The following KANK4 variants were observed in gnomAD, a reference collection of about 807,000 sequenced individuals.
KANK4 encodes KN motif and ankyrin repeat domains 4, also known as KN motif and ankyrin repeat domain-containing protein 4.
A neutral mutation model predicts 80.8 loss-of-function variants in KANK4; 50 were observed. That is an observed-to-expected ratio of 0.62 (90% CI 0.49 to 0.78). The LOEUF (loss-of-function observed/expected upper bound fraction) is 0.78, where lower values mean the gene tolerates loss of function less well. KANK4 is among the 30% of genes least tolerant of loss of function. The pLI, the probability that KANK4 is intolerant of heterozygous loss-of-function variation, is 0.00. For synonymous variants in KANK4, 465 were observed against 506.9 expected, an observed-to-expected ratio of 0.92 and a Z score of 1.11; for missense variants, 1,196 against 1,240.1, an observed-to-expected ratio of 0.96 and a Z score of 0.53.
At chr1:62,316,727 T>C (rs74078538) in intron 1 of KANK4, among the ~76,000 whole-genome samples, 9,093 of 152,224 alleles carry the variant, frequency 0.06, 943 homozygotes, top group African/African-American at 0.2. Context: ...CCCCTCCCCA[T>C]ATAAAAAAGT....
At chr1:62,294,381 A>G (rs1644340660) in intron 1 of KANK4, among the ~76,000 whole-genome samples, 1 of 152,184 alleles carries the variant, frequency 6.6e-6, no homozygotes, top group Non-Finnish European at 1.5e-5. Flanking sequence ...AATACTCCAC[A>G]GGGGGGCACC....
chr1:62,242,721 AT>A (rs1276295413), intron 9 of KANK4, among the ~76,000 whole-genome samples: 3 of 152,190 alleles, frequency 2.0e-5, no homozygotes, highest in Non-Finnish European at 4.4e-5. Flanking sequence ...ATTTCAGGAC[AT>A]GAATTCTCTC....
intron 1 of KANK4, among the ~76,000 whole-genome samples, chr1:62,288,791 T>C (rs939096723): frequency 2.6e-5 from 4 of 152,212 alleles, no homozygotes; most frequent in African/African-American, 9.7e-5. Flanking sequence ...TCTTTTTTCA[T>C]TTGGATGCTT....
Position 62,236,212 on chromosome 1 carries a change from CT to C in KANK4, c.*2064del, listed in dbSNP as rs1293129084. 1.3e-5 allele frequency among the ~76,000 whole-genome samples: 2 copies of C among 152,124 alleles called. No homozygotes were observed. The highest frequency in any genetic ancestry group is 4.8e-5 in the African/African-American group (2 of 41,428). The stretch of plus-strand genomic sequence containing the variant: ...ACAAACAATAAGGATAGGCCAGAGG[CT>C]TGCTACTCAAAGTGTGGTTGTGGCT... On this transcript the variant is annotated 3_prime_UTR_variant, in exon 10 of 10. Coordinates refer to ENST00000371153, the MANE Select transcript of KANK4 (RefSeq NM_181712.5).
chr1:62,293,757 T>C (rs892354279), intron 1 of KANK4, among the ~76,000 whole-genome samples: 51 of 152,174 alleles, frequency 3.4e-4, no homozygotes, highest in African/African-American at 1.1e-3. Context: ...GAAGGGCGTT[T>C]TGGTATTAGT....
chr1:62,299,840 TAA>T (rs1002664591), intron 1 of KANK4, among the ~76,000 whole-genome samples: 2 of 152,108 alleles, frequency 1.3e-5, no homozygotes, highest in African/African-American at 4.8e-5. Flanking sequence ...TTTTCTTTTT[TAA>T]AAGAGTGAGC....
intron 7 of KANK4, among the ~76,000 whole-genome samples, chr1:62,258,035 A>G (rs1671791450): frequency 6.6e-6 from 1 of 152,216 alleles, no homozygotes; most frequent in African/African-American, 2.4e-5. Context: ...TCAGTGTCCC[A>G]GAAGCATAGA....
At chr1:62,285,873 T>C (rs2149156619) in intron 1 of KANK4, among the ~76,000 whole-genome samples, 1 of 152,134 alleles carries the variant, frequency 6.6e-6, no homozygotes, top group African/African-American at 2.4e-5. Flanking sequence ...CCCCAGCCTT[T>C]CAAGTGCAAA....
intron 2 of KANK4, among the ~76,000 whole-genome samples, chr1:62,275,900 A>T (rs1672302203): frequency 7.0e-6 from 1 of 142,214 alleles, no homozygotes. Flanking sequence ...AAGGAAGGGG[A>T]AGGGGAAGGG....
At chr1:62,244,182 A>G (rs992478739) in intron 9 of KANK4, among the ~76,000 whole-genome samples, 1 of 151,284 alleles carries the variant, frequency 6.6e-6, no homozygotes, top group Non-Finnish European at 1.5e-5. Flanking sequence ...ATTCAAACTC[A>G]TGAGTGTTTA....
intron 1 of KANK4, among the ~76,000 whole-genome samples, chr1:62,297,307 C>T (rs1644374544): frequency 6.6e-6 from 1 of 151,602 alleles, no homozygotes; most frequent in African/African-American, 2.4e-5. Context: ...TTATTGCTAG[C>T]TAGATACTGT....
At chr1:62,244,626 G>A (rs183689082) in intron 9 of KANK4, among the ~76,000 whole-genome samples, 253 of 152,188 alleles carry the variant, frequency 1.7e-3, no homozygotes, top group Non-Finnish European at 2.9e-3. Flanking sequence ...CTTGCCTTCC[G>A]CCATGATTGA....
At chr1:62,296,595 C>A (rs6658312) in intron 1 of KANK4, among the ~76,000 whole-genome samples, 108,848 of 151,796 alleles carry the variant, frequency 0.72, 40,446 homozygotes, top group African/African-American at 0.91. Flanking sequence ...TCTGACACCC[C>A]GTCTGGAGTG....
Position 62,253,200 on chromosome 1 carries a change from T to A in KANK4, c.2549A>T (p.Asn850Ile). The A allele has an allele frequency of 2.5e-6, 4 of 1,606,542 alleles. No individual in the cohort carries two copies. Among genetic ancestry groups the A allele is most frequent in the Non-Finnish European group, 2.5e-6 (3 of 1,177,948 alleles). ...GCCAGCTTTGTTCTGATGGTCCACA[T>A]TGCAGACGCCTGCAAGAGAAGCAAT... ...VKLLLETGVC[N>I]VDHQNKAGYT... The change falls in exon 8 of 10, where the codon AAT (asparagine) becomes ATT (isoleucine). Residue 850 changes from asparagine to isoleucine, a missense_variant. Asn to Ile is a moderately radical substitution (Grantham distance 149). Around this residue, in one of 3 missense-constraint regions of KANK4, gnomAD observed 1,154 missense variants for 1,179.6 expected, o/e 0.98. Transcript: ENST00000371153.
At chr1:62,240,248 C>T (rs892150051) in intron 9 of KANK4, among the ~76,000 whole-genome samples, 2 of 152,214 alleles carry the variant, frequency 1.3e-5, no homozygotes, top group African/African-American at 4.8e-5. Context: ...TTTTGATTTG[C>T]ATTTCTCTGA....
intron 1 of KANK4, among the ~76,000 whole-genome samples, chr1:62,287,949 T>C (rs1006812089): frequency 6.6e-6 from 1 of 152,194 alleles, no homozygotes; most frequent in African/African-American, 2.4e-5. Flanking sequence ...AAAAATATAC[T>C]GCGGAGCAAA....
At chr1:62,244,095 T>C (rs761042159) in intron 9 of KANK4, among the ~76,000 whole-genome samples, 16 of 152,138 alleles carry the variant, frequency 1.1e-4, no homozygotes, top group Non-Finnish European at 2.4e-4. Context: ...TGTCCCCATT[T>C]TACAGATGAG....
At chr1:62,270,758 G>A (rs1296757363) in intron 4 of KANK4, among the ~76,000 whole-genome samples, 1 of 152,060 alleles carries the variant, frequency 6.6e-6, no homozygotes, top group Non-Finnish European at 1.5e-5. Context: ...AAATTAGCAG[G>A]GATTCTGAGC....
At position 62,279,198 on chromosome 1, in the gene KANK4, GCACA is replaced by G. The variant is rs10560623; in HGVS notation, c.16+2347_16+2350del. ...TAGGTGCTTTCCTAAGCTAGCGCGCGCACACACACACACACACACACACACACAC... is the reference window on the plus strand; with the variant it reads ...TAGGTGCTTTCCTAAGCTAGCGCGCGCACACACACACACACACACACACAC... On this transcript the variant is annotated intron_variant, in intron 2 of 9. Coordinates refer to ENST00000371153, the MANE Select transcript of KANK4 (RefSeq NM_181712.5). 7.4e-3 allele frequency among the ~76,000 whole-genome samples: 1,088 copies of G among 146,240 alleles called. 4 individuals carry two copies. Among genetic ancestry groups the G allele is most frequent in the Non-Finnish European group, 9.2e-3 (612 of 66,844 alleles).
Sources: allele counts gnomAD v4.1 joint callset (sites outside exome capture counted in the v4.1 genomes callset), GRCh38; gene constraint gnomAD v4.1.1; regional missense constraint gnomAD v4.1.1; transcripts MANE v1.5; gene names NCBI Gene and HGNC (gene_info 2026-07-23, HGNC 2026-07-21).